CNTN5: variants seen among roughly 807,000 people sequenced by gnomAD.
CNTN5 encodes contactin-5.
CNTN5 carries 77 observed loss-of-function variants against 129.1 expected under a neutral mutation model. The ratio of observed to expected loss-of-function variants is 0.60; its 90% CI spans 0.50 to 0.72. The LOEUF is 0.72. Among genes scored for constraint, CNTN5 ranks in the 30% least tolerant of loss-of-function variants. The probability of loss-of-function intolerance (pLI) is 0.00; values close to 1 mark genes in which losing one functional copy is unlikely to be tolerated. For synonymous variants in CNTN5, 509 were observed against 465.6 expected (o/e 1.09, Z -1.20); for missense variants, 1,478 against 1,328.8 (o/e 1.11, Z -1.75).
chr11:99,844,216 T>A (rs79767143), intron 4 of CNTN5, among the ~76,000 whole-genome samples: 8,527 of 152,298 alleles, frequency 0.056, 354 homozygotes, highest in Non-Finnish European at 0.09. Flanking sequence ...ATGCCTTTTG[T>A]CTTCTGATCT....
intron 3 of CNTN5, among the ~76,000 whole-genome samples, chr11:99,622,226 A>G (rs12792468): frequency 0.13 from 20,269 of 152,106 alleles, 1,428 homozygotes; most frequent in Non-Finnish European, 0.17. Flanking sequence ...CTGTTCCCCT[A>G]ATTTTGTTGT....
At chr11:99,511,202 A>T (rs912711032) in intron 2 of CNTN5, among the ~76,000 whole-genome samples, 10 of 152,104 alleles carry the variant, frequency 6.6e-5, no homozygotes, top group South Asian at 2.1e-4. Context: ...TTCCCTCTAC[A>T]CACTGCTTTG....
At chr11:99,651,613 C>A (rs966005672) in intron 3 of CNTN5, among the ~76,000 whole-genome samples, 1 of 151,890 alleles carries the variant, frequency 6.6e-6, no homozygotes, top group Non-Finnish European at 1.5e-5. Flanking sequence ...ATCTGTGTTT[C>A]ATCTAGGAGA....
rs181887238 is a variant in CNTN5 at position 99,761,085 on chromosome 11, C to T, written c.56-58459C>T. Reference sequence around the variant, plus strand: ...AAAAATGGTTCATATTCTCAGTGAACGTTCCTGTATGACAAGGATGATATA... The same window carrying T: ...AAAAATGGTTCATATTCTCAGTGAATGTTCCTGTATGACAAGGATGATATA... On this transcript the variant is annotated intron_variant, in intron 3 of 24. Transcript: ENST00000524871. Among the ~76,000 whole-genome samples, 6 of 152,106 alleles carry T rather than the reference C, an allele frequency of 3.9e-5. No individual in the cohort carries two copies. The East Asian group carries it at 5.8e-4, about 15-fold the overall frequency.
At chr11:100,331,643 C>A (rs1183166594) in intron 21 of CNTN5, among the ~76,000 whole-genome samples, 4 of 152,006 alleles carry the variant, frequency 2.6e-5, no homozygotes, top group East Asian at 1.9e-4. Flanking sequence ...GTCTCTCAGA[C>A]CACAGTGGAA....
At chr11:99,722,453 G>A (rs763832282) in intron 3 of CNTN5, among the ~76,000 whole-genome samples, 4 of 152,008 alleles carry the variant, frequency 2.6e-5, no homozygotes, top group South Asian at 2.1e-4. Context: ...ACACAAAGAC[G>A]AAAATAGACA....
At chr11:99,290,142 ATAT>A (rs1864108588) in intron 1 of CNTN5, among the ~76,000 whole-genome samples, 1 of 151,804 alleles carries the variant, frequency 6.6e-6, no homozygotes, top group Admixed American at 6.6e-5. Context: ...TAGGACCCTT[ATAT>A]ACTGAATGCT....
At chr11:99,627,771 A>G (rs1393427807) in intron 3 of CNTN5, among the ~76,000 whole-genome samples, 2 of 151,856 alleles carry the variant, frequency 1.3e-5, no homozygotes, top group African/African-American at 4.8e-5. Flanking sequence ...CATTGAAAGG[A>G]CAAGATCTGA....
chr11:100,289,491 A>G (rs1950897370), intron 18 of CNTN5, among the ~76,000 whole-genome samples: 1 of 151,938 alleles, frequency 6.6e-6, no homozygotes, highest in African/African-American at 2.4e-5. Flanking sequence ...GCATATAAAC[A>G]GAGCCAAAGA....
intron 8 of CNTN5, among the ~76,000 whole-genome samples, chr11:99,970,074 A>T (rs888831896): frequency 5.3e-5 from 8 of 152,176 alleles, no homozygotes; most frequent in African/African-American, 1.7e-4. Context: ...TAATCTCATG[A>T]TCACTTATGC....
chr11:99,283,543 A>G (rs1863795967), intron 1 of CNTN5, among the ~76,000 whole-genome samples: 2 of 152,126 alleles, frequency 1.3e-5, no homozygotes, highest in East Asian at 1.9e-4. Flanking sequence ...TTATTTTGTC[A>G]AGCCTAAATT....
At chr11:99,845,583 G>C (rs1334117957) in intron 6 of CNTN5, among the ~76,000 whole-genome samples, 1 of 151,648 alleles carries the variant, frequency 6.6e-6, no homozygotes, top group Non-Finnish European at 1.5e-5. Context: ...CGTTTCAGCC[G>C]GGATGGTGTC....
chr11:99,303,979 C>T (rs181127236), intron 1 of CNTN5, among the ~76,000 whole-genome samples: 270 of 152,172 alleles, frequency 1.8e-3, no homozygotes, highest in Admixed American at 3.4e-3. Context: ...GGGGGTGGTC[C>T]TTCAGAAGTT....
intron 3 of CNTN5, among the ~76,000 whole-genome samples, chr11:99,628,641 CACACACACACAG>C (rs1253590824): frequency 1.3e-5 from 2 of 151,436 alleles, no homozygotes; most frequent in African/African-American, 4.9e-5. Flanking sequence ...CACACACACA[CACACACACACAG>C]AAAGAGATAA....
chr11:100,191,923 T>C (rs1490557906), intron 14 of CNTN5, among the ~76,000 whole-genome samples: 1 of 151,976 alleles, frequency 6.6e-6, no homozygotes, highest in Non-Finnish European at 1.5e-5. Context: ...GTTTTTCACA[T>C]TGAGTCTTTA....
chr11:99,816,230 C>CA (rs560557278), intron 3 of CNTN5, among the ~76,000 whole-genome samples: 71 of 151,888 alleles, frequency 4.7e-4, no homozygotes, highest in Middle Eastern at 3.4e-3. Flanking sequence ...TGCTTTTCTT[C>CA]AAAAAAAATG....
At chr11:99,101,805 G>A (rs538801820) in intron 1 of CNTN5, among the ~76,000 whole-genome samples, 1 of 152,300 alleles carries the variant, frequency 6.6e-6, no homozygotes, top group East Asian at 1.9e-4. Context: ...GGTGTGAGGT[G>A]TTGGTGGATC....
At chr11:100,322,335 G>T (rs1331570666) in intron 21 of CNTN5, among the ~76,000 whole-genome samples, 1 of 151,734 alleles carries the variant, frequency 6.6e-6, no homozygotes, top group African/African-American at 2.4e-5. Context: ...CCATTTTCCT[G>T]CCTCAGCCTC....
chr11:100,045,594 A>G (rs1942623073), intron 9 of CNTN5, among the ~76,000 whole-genome samples: 1 of 152,130 alleles, frequency 6.6e-6, no homozygotes, highest in Admixed American at 6.6e-5. Context: ...TTTTGCATAA[A>G]CAACTGGCAA....
Sources: allele counts gnomAD v4.1 joint callset (sites outside exome capture counted in the v4.1 genomes callset), GRCh38; gene constraint gnomAD v4.1.1; transcripts MANE v1.5; gene names NCBI Gene and HGNC (gene_info 2026-07-23, HGNC 2026-07-21).